NFIA: variants seen among roughly 807,000 people sequenced by gnomAD.
NFIA encodes the protein nuclear factor I A.
NFIA carries 8 observed loss-of-function variants against 62.8 expected under a neutral mutation model. The observed-to-expected ratio is 0.13, with a 90% CI of 0.07 to 0.23. NFIA has a LOEUF of 0.23. Ranked by LOEUF, NFIA falls within the 10% of genes least tolerant of loss-of-function variation. NFIA has a pLI of 1.00. For missense variants in NFIA, 410 were observed against 642.1 expected, an observed-to-expected ratio of 0.64 and a Z score of 3.91; for synonymous variants, 235 against 238.1, an observed-to-expected ratio of 0.99 and a Z score of 0.12.
At chr1:61,170,802 C>G (rs1010903310) in intron 2 of NFIA, among the ~76,000 whole-genome samples, 1 of 152,220 alleles carries the variant, frequency 6.6e-6, no homozygotes, top group Admixed American at 6.5e-5. Context: ...TATCACAAAG[C>G]TGTGCCAACA....
chr1:61,255,143 G>A (rs565362896), intron 2 of NFIA, among the ~76,000 whole-genome samples: 1 of 152,134 alleles, frequency 6.6e-6, no homozygotes, highest in East Asian at 1.9e-4. Context: ...CTCTGTTTCT[G>A]TCAGAGACTC....
chr1:61,176,370 A>C (rs1650345753), intron 2 of NFIA, among the ~76,000 whole-genome samples: 2 of 152,194 alleles, frequency 1.3e-5, no homozygotes, highest in Admixed American at 1.3e-4. Context: ...GAATTAATGA[A>C]TAGTAAAGTC....
Position 61,082,707 on chromosome 1 carries a change from C to A in NFIA, c.-85C>A. On this transcript the variant is annotated 5_prime_UTR_variant, in exon 1 of 11. Transcript: ENST00000403491. The stretch of plus-strand genomic sequence containing the variant: ...CTCTCTCTCTCTCTCTTCCTCTCTC[C>A]CTCTTTCTCCTCTCTCACCCACACT... The A allele has an allele frequency of 6.5e-7, 1 of 1,542,388 alleles. No individual in the cohort carries two copies. Among genetic ancestry groups the A allele is most frequent in the Middle Eastern group, 1.7e-4 (1 of 5,950 alleles).
chr1:61,325,932 C>CAAA (rs36122626), intron 3 of NFIA, among the ~76,000 whole-genome samples: 1,884 of 87,014 alleles, frequency 0.022, 133 homozygotes, highest in East Asian at 0.037. Context: ...GACTCTGTCT[C>CAAA]AAAAAAAAAA....
intron 2 of NFIA, among the ~76,000 whole-genome samples, chr1:61,207,910 G>A (rs1652999463): frequency 6.6e-6 from 1 of 151,582 alleles, no homozygotes; most frequent in African/African-American, 2.4e-5. Context: ...CTGAGGAAAA[G>A]GAATGAGGAG....
At chr1:61,195,002 T>C (rs1481455562) in intron 2 of NFIA, among the ~76,000 whole-genome samples, 1 of 152,198 alleles carries the variant, frequency 6.6e-6, no homozygotes, top group Non-Finnish European at 1.5e-5. Context: ...GGCTCTTTTC[T>C]GTAGCTTTCT....
At chr1:61,111,053 G>A (rs1293645735) in intron 2 of NFIA, among the ~76,000 whole-genome samples, 1 of 152,014 alleles carries the variant, frequency 6.6e-6, no homozygotes, top group African/African-American at 2.4e-5. Context: ...CTCATTATAG[G>A]TTTACTTAAT....
At chr1:61,347,273 A>C (rs912131512) in intron 4 of NFIA, among the ~76,000 whole-genome samples, 2 of 139,404 alleles carry the variant, frequency 1.4e-5, no homozygotes, top group African/African-American at 5.3e-5. Context: ...TCCTGGGTTC[A>C]CACCATTCTC....
chr1:61,274,265 G>A (rs60333540), intron 2 of NFIA, among the ~76,000 whole-genome samples: 2 of 152,160 alleles, frequency 1.3e-5, no homozygotes, highest in African/African-American at 2.4e-5. Flanking sequence ...TCTATTTTAG[G>A]TTTAAATTTC....
chr1:61,394,161 C>A (rs931499571), intron 7 of NFIA, among the ~76,000 whole-genome samples: 4 of 152,116 alleles, frequency 2.6e-5, no homozygotes, highest in Non-Finnish European at 5.9e-5. Context: ...TCAAATTGCG[C>A]TATTCTTTCT....
intron 2 of NFIA, among the ~76,000 whole-genome samples, chr1:61,118,110 G>A (rs1243998277): frequency 6.6e-6 from 1 of 151,748 alleles, no homozygotes; most frequent in Non-Finnish European, 1.5e-5. Context: ...ACTTGAACCT[G>A]GGAGGTGGAG....
At chr1:61,310,264 GAAAAGACCACTGGAGAT>G (rs1289597226) in intron 3 of NFIA, among the ~76,000 whole-genome samples, 1 of 152,230 alleles carries the variant, frequency 6.6e-6, no homozygotes, top group Non-Finnish European at 1.5e-5. Context: ...ACAGCAGTAG[GAAAAGACCACTGGAGAT>G]AAAGGGGCTC....
intron 2 of NFIA, among the ~76,000 whole-genome samples, chr1:61,249,362 T>A (rs1184467013): frequency 6.6e-6 from 1 of 152,186 alleles, no homozygotes; most frequent in East Asian, 1.9e-4. Context: ...GGACAAACAA[T>A]GAAATAATCT....
At chr1:61,446,373 G>A (rs1306072755) in intron 10 of NFIA, among the ~76,000 whole-genome samples, 3 of 152,166 alleles carry the variant, frequency 2.0e-5, no homozygotes, top group African/African-American at 2.4e-5. Flanking sequence ...AATCCTTAGG[G>A]ACTGTTGGTC....
chr1:61,217,885 TTTCTTCAGCTCCTAAAAGGGCAG>T (rs1180859974), intron 2 of NFIA, among the ~76,000 whole-genome samples: 1 of 152,218 alleles, frequency 6.6e-6, no homozygotes, highest in African/African-American at 2.4e-5. Flanking sequence ...CTAACCTCAA[TTTCTTCAGCTCCTAAAAGGGCAG>T]TTGTCATACC....
chr1:61,229,933 G>T (rs1040365086), intron 2 of NFIA, among the ~76,000 whole-genome samples: 2 of 152,102 alleles, frequency 1.3e-5, no homozygotes, highest in African/African-American at 4.8e-5. Flanking sequence ...TCTCCCCTAA[G>T]ATCAGGAAGA....
At chr1:61,270,798 G>A (rs1657455577) in intron 2 of NFIA, among the ~76,000 whole-genome samples, 1 of 152,216 alleles carries the variant, frequency 6.6e-6, no homozygotes, top group Non-Finnish European at 1.5e-5. Flanking sequence ...ATGGGAGTGG[G>A]TAGGTGATCG....
At chr1:61,330,245 A>T (rs746753452) in intron 3 of NFIA, among the ~76,000 whole-genome samples, 1 of 152,148 alleles carries the variant, frequency 6.6e-6, no homozygotes, top group South Asian at 2.1e-4. Flanking sequence ...AATGATAAAG[A>T]GTTGAGAGTC....
At chr1:61,082,149 C>T, upstream of NFIA, 1 of 856,558 alleles carries the variant, frequency 1.2e-6, no homozygotes, top group Non-Finnish European at 1.7e-6. Context: ...CCCGGGAGTA[C>T]AGACTGTAAC....
Sources: allele counts gnomAD v4.1 joint callset (sites outside exome capture counted in the v4.1 genomes callset), GRCh38; gene constraint gnomAD v4.1.1; transcripts MANE v1.5; gene names NCBI Gene and HGNC (gene_info 2026-07-23, HGNC 2026-07-21).